The following SLC30A8 variants were observed in gnomAD, a reference collection of about 807,000 sequenced individuals.
The protein encoded by SLC30A8 is solute carrier family 30 member 8, also known as proton-coupled zinc antiporter SLC30A8.
Under a neutral mutation model 36.9 loss-of-function variants are expected in SLC30A8, and 27 were observed. The ratio of observed to expected loss-of-function variants is 0.73; its 90% CI spans 0.54 to 1.01. SLC30A8 has a LOEUF of 1.01. SLC30A8 is among the 50% of genes least tolerant of loss of function. SLC30A8 has a pLI of 0.00. For synonymous variants in SLC30A8, 164 were observed against 172.4 expected, an observed-to-expected ratio of 0.95 and a Z score of 0.38; for missense variants, 439 against 452.0, an observed-to-expected ratio of 0.97 and a Z score of 0.26.
chr8:116,960,211 A>G (rs963644419), intron 1 of SLC30A8, among the ~76,000 whole-genome samples: 2 of 152,192 alleles, frequency 1.3e-5, no homozygotes, highest in African/African-American at 4.8e-5. Context: ...GAAGCTGCCT[A>G]TCTCATCATA....
At chr8:116,962,717 A>G (rs1390484490) in intron 1 of SLC30A8, among the ~76,000 whole-genome samples, 1 of 152,018 alleles carries the variant, frequency 6.6e-6, no homozygotes, top group African/African-American at 2.4e-5. Flanking sequence ...AGTCATGTCT[A>G]AAGGTGCTGC....
chr8:117,101,971 G>A (rs1434690418), intron 2 of SLC30A8, among the ~76,000 whole-genome samples: 1 of 152,210 alleles, frequency 6.6e-6, no homozygotes, highest in East Asian at 1.9e-4. Context: ...TCCCTCTAGA[G>A]AACCCTGACT....
chr8:117,084,138 C>T (rs1263984730), intron 2 of SLC30A8, among the ~76,000 whole-genome samples: 1 of 152,200 alleles, frequency 6.6e-6, no homozygotes, highest in South Asian at 2.1e-4. Context: ...TGAAGTACAA[C>T]AAGGCTCCTT....
At chr8:117,027,188 G>C (rs1816903508) in intron 1 of SLC30A8, among the ~76,000 whole-genome samples, 1 of 152,070 alleles carries the variant, frequency 6.6e-6, no homozygotes. Flanking sequence ...TTGGCGACAG[G>C]GATAGAAAGT....
At chr8:116,955,831 G>C (rs1814178366) in intron 1 of SLC30A8, among the ~76,000 whole-genome samples, 1 of 152,144 alleles carries the variant, frequency 6.6e-6, no homozygotes, top group South Asian at 2.1e-4. Context: ...TTCTCCCTCA[G>C]AGTGCTCAGA....
chr8:116,950,310 A>C (rs7830133), upstream of SLC30A8: 1,597 of 158,508 alleles, frequency 0.01, 35 homozygotes, highest in African/African-American at 0.037. Context: ...ATAGGAGATC[A>C]GTTAATGCAT....
chr8:117,121,543 G>T (rs80071554), intron 2 of SLC30A8, among the ~76,000 whole-genome samples: 2,115 of 151,870 alleles, frequency 0.014, 19 homozygotes, highest in Non-Finnish European at 0.019. Flanking sequence ...CTTTTATAAG[G>T]ACACCAATCT....
chr8:117,003,417 A>G lies in SLC30A8; in HGVS notation c.-265-35802A>G, dbSNP rs370091376. Among the ~76,000 whole-genome samples the G allele has an allele frequency of 1.7e-4, 26 of 152,314 alleles. No individual in the cohort carries two copies. The East Asian group carries it at 2.9e-3, about 17-fold the overall frequency. On this transcript the variant is annotated intron_variant, in intron 1 of 10. Transcript: ENST00000427715. ...GTGTGTTAGCCTAGTGAAATTATTT[A>G]ACTAGTCAGTTTCCTCAGCTTTAAA...
chr8:117,036,832 C>T (rs1563758719), intron 1 of SLC30A8, among the ~76,000 whole-genome samples: 1 of 152,120 alleles, frequency 6.6e-6, no homozygotes, highest in Non-Finnish European at 1.5e-5. Flanking sequence ...CGATGTGGCC[C>T]AGTAGCATGC....
rs77223120 is a variant in SLC30A8 at position 116,998,486 on chromosome 8, C to A, written c.-265-40733C>A. ...CATCCTACTGTCTTGGTAACTGTGT[C>A]TATAATTCTCTTCAATTTCATCTAA... On this transcript the variant is annotated intron_variant, in intron 1 of 10. Transcript: ENST00000427715. Among the ~76,000 whole-genome samples, 355 of 152,332 alleles carry A rather than the reference C, an allele frequency of 2.3e-3. 1 individual carries two copies. The highest frequency in any genetic ancestry group is 8.2e-3 in the African/African-American group (343 of 41,578).
At chr8:117,100,213 C>T (rs1179653099) in intron 2 of SLC30A8, among the ~76,000 whole-genome samples, 2 of 151,982 alleles carry the variant, frequency 1.3e-5, no homozygotes, top group Admixed American at 6.6e-5. Context: ...TTAGTATTTA[C>T]AAAAATTTTA....
At chr8:116,976,560 T>G (rs974296972) in intron 1 of SLC30A8, among the ~76,000 whole-genome samples, 21 of 152,262 alleles carry the variant, frequency 1.4e-4, no homozygotes, top group African/African-American at 4.6e-4. Flanking sequence ...AGGAAATCTG[T>G]TGCCTAGAAG....
chr8:117,043,373 G>A (rs888938615), intron 2 of SLC30A8, among the ~76,000 whole-genome samples: 8 of 152,234 alleles, frequency 5.3e-5, no homozygotes, highest in Non-Finnish European at 1.2e-4. Flanking sequence ...GAGAACTTGA[G>A]TGGGTTTGTG....
At chr8:117,151,714 C>T (rs897307068) in intron 2 of SLC30A8, among the ~76,000 whole-genome samples, 7 of 152,282 alleles carry the variant, frequency 4.6e-5, no homozygotes, top group East Asian at 1.9e-4. Context: ...GTGATTGCAG[C>T]GTACTGCTTA....
intron 2 of SLC30A8, among the ~76,000 whole-genome samples, chr8:117,118,610 A>G (rs1820553492): frequency 6.6e-6 from 1 of 151,842 alleles, no homozygotes; most frequent in African/African-American, 2.4e-5. Context: ...AGACCTTGAG[A>G]GTCTACAGCA....
chr8:117,132,327 A>T (rs1190220417), upstream of SLC30A8, among the ~76,000 whole-genome samples: 1 of 151,994 alleles, frequency 6.6e-6, no homozygotes, highest in East Asian at 1.9e-4. Context: ...CCTATTAAGA[A>T]ATTGTTGCTG....
intron 2 of SLC30A8, among the ~76,000 whole-genome samples, chr8:117,150,659 G>A (rs1221773749): frequency 6.6e-6 from 1 of 152,072 alleles, no homozygotes; most frequent in Non-Finnish European, 1.5e-5. Flanking sequence ...AGGCTGGAGT[G>A]CAGTGGCCCG....
chr8:116,971,456 T>G (rs555848898), intron 1 of SLC30A8, among the ~76,000 whole-genome samples: 128 of 152,360 alleles, frequency 8.4e-4, no homozygotes, highest in Non-Finnish European at 1.5e-3. Flanking sequence ...GTCACCCATC[T>G]TTAGAGATGA....
chr8:117,145,440 A>T (rs1435144396), intron 1 of SLC30A8, among the ~76,000 whole-genome samples: 1 of 152,048 alleles, frequency 6.6e-6, no homozygotes, highest in African/African-American at 2.4e-5. Flanking sequence ...TAATAGAGTC[A>T]GAATAATAAT....
Sources: allele counts gnomAD v4.1 joint callset (sites outside exome capture counted in the v4.1 genomes callset), GRCh38; gene constraint gnomAD v4.1.1; transcripts MANE v1.5; gene names NCBI Gene and HGNC (gene_info 2026-07-23, HGNC 2026-07-21).